The following FHIT variants were observed in gnomAD, a reference collection of about 807,000 sequenced individuals.
FHIT encodes bis(5'-adenosyl)-triphosphatase.
A neutral mutation model predicts 17.9 loss-of-function variants in FHIT; 19 were observed. The ratio of observed to expected loss-of-function variants is 1.06; its 90% CI spans 0.74 to 1.56. FHIT has a LOEUF of 1.56. FHIT is among the 40% of genes most tolerant of loss of function. FHIT has a pLI of 0.00. For missense variants in FHIT, 248 were observed against 189.2 expected, an observed-to-expected ratio of 1.31 and a Z score of -1.82; for synonymous variants, 81 against 69.7, an observed-to-expected ratio of 1.16 and a Z score of -0.81.
At chr3:61,081,139 A>C (rs2035124348) in intron 2 of FHIT, among the ~76,000 whole-genome samples, 1 of 152,184 alleles carries the variant, frequency 6.6e-6, no homozygotes, top group Admixed American at 6.5e-5. Context: ...AATGTAGCTA[A>C]TTTGCAGTAG....
intron 5 of FHIT, among the ~76,000 whole-genome samples, chr3:60,270,211 A>C (rs1326934766): frequency 6.6e-6 from 1 of 152,200 alleles, no homozygotes; most frequent in Non-Finnish European, 1.5e-5. Context: ...GGCAGCAAAC[A>C]GAGAAAAAGA....
intron 7 of FHIT, among the ~76,000 whole-genome samples, chr3:59,926,297 T>C (rs556190571): frequency 3.3e-5 from 5 of 152,328 alleles, no homozygotes; most frequent in Admixed American, 1.3e-4. Flanking sequence ...TGTACACTTT[T>C]CTAAAGTATA....
intron 8 of FHIT, among the ~76,000 whole-genome samples, chr3:59,864,716 C>A (rs1021051870): frequency 6.6e-6 from 1 of 151,488 alleles, no homozygotes; most frequent in Admixed American, 6.6e-5. Context: ...CCTCTCTCTG[C>A]ACACAACGTG....
intron 1 of FHIT, among the ~76,000 whole-genome samples, chr3:61,211,727 C>A (rs2039482367): frequency 6.6e-6 from 1 of 152,232 alleles, no homozygotes; most frequent in South Asian, 2.1e-4. Flanking sequence ...GACCCCTGAC[C>A]CCCGAGCAGC....
chr3:59,981,669 T>C (rs757541696), intron 7 of FHIT, among the ~76,000 whole-genome samples: 1 of 152,138 alleles, frequency 6.6e-6, no homozygotes, highest in African/African-American at 2.4e-5. Flanking sequence ...AGAGATGCCC[T>C]TGATAATTAA....
intron 4 of FHIT, chr3:60,690,450 C>G: frequency 1.7e-6 from 1 of 577,640 alleles, no homozygotes; most frequent in South Asian, 1.4e-5. Flanking sequence ...CTGTATGCTT[C>G]AGGATGAAGT....
At position 60,515,335 on chromosome 3, in the gene FHIT, G is replaced by A. The variant is rs150054257; in HGVS notation, c.103+21525C>T. Among the ~76,000 whole-genome samples, 589 of 152,320 alleles carry A rather than the reference G, an allele frequency of 3.9e-3. 3 individuals are homozygous for A. Among genetic ancestry groups the A allele is most frequent in the African/African-American group, 0.014 (567 of 41,572 alleles). On this transcript the variant is annotated intron_variant, in intron 5 of 9. Transcript: ENST00000492590. ...ACAGCACCACTGGATGTGGTGGGAG[G>A]AGGAGGAAGGAAAATCTATACATTT...
intron 2 of FHIT, among the ~76,000 whole-genome samples, chr3:61,168,517 G>T (rs1353983082): frequency 6.6e-6 from 1 of 152,190 alleles, no homozygotes; most frequent in African/African-American, 2.4e-5. Flanking sequence ...CTGTGTCCCA[G>T]TGAGGAAGAC....
At chr3:61,003,827 G>C (rs552867612) in intron 3 of FHIT, among the ~76,000 whole-genome samples, 1 of 152,208 alleles carries the variant, frequency 6.6e-6, no homozygotes. Flanking sequence ...TCTTATAGCA[G>C]ATGCTAAAGA....
At chr3:60,627,581 TGGCGGGATCTA>T (rs2039324420) in intron 4 of FHIT, among the ~76,000 whole-genome samples, 1 of 152,110 alleles carries the variant, frequency 6.6e-6, no homozygotes, top group African/African-American at 2.4e-5. Flanking sequence ...TGGAGTGCAG[TGGCGGGATCTA>T]GGCTCACTGA....
Position 59,748,268 on chromosome 3 carries a change from G to T in FHIT, c.*1317C>A, listed in dbSNP as rs1457475444. On this transcript the variant is annotated 3_prime_UTR_variant, in exon 10 of 10. Transcript: ENST00000492590. ...GTGAATCAAGTAAATAATGCTCTAG[G>T]TGGTCCACAAAGATAAGAAAAATCA... Among the ~76,000 whole-genome samples the T allele has an allele frequency of 6.6e-6, 1 of 152,008 alleles. No homozygotes were observed. Among genetic ancestry groups the T allele is most frequent in the Non-Finnish European group, 1.5e-5 (1 of 68,010 alleles).
intron 7 of FHIT, among the ~76,000 whole-genome samples, chr3:59,974,145 GT>G (rs1378243806): frequency 1.3e-5 from 2 of 152,078 alleles, no homozygotes; most frequent in Non-Finnish European, 2.9e-5. Context: ...AAAGGGAACT[GT>G]TATGACTCCA....
At chr3:59,869,124 C>A (rs1388589676) in intron 8 of FHIT, among the ~76,000 whole-genome samples, 1 of 152,158 alleles carries the variant, frequency 6.6e-6, no homozygotes, top group Non-Finnish European at 1.5e-5. Context: ...TACTAGCAGA[C>A]AGAAACAACA....
At chr3:59,755,017 TTC>T (rs2106748694) in intron 8 of FHIT, among the ~76,000 whole-genome samples, 1 of 152,196 alleles carries the variant, frequency 6.6e-6, no homozygotes, top group East Asian at 1.9e-4. Context: ...AAAACAAAAC[TTC>T]TCAGCCAATT....
At chr3:60,321,576 G>A (rs530890648) in intron 5 of FHIT, among the ~76,000 whole-genome samples, 4 of 152,302 alleles carry the variant, frequency 2.6e-5, no homozygotes, top group Non-Finnish European at 4.4e-5. Context: ...CAAGATCCCA[G>A]AACTAAGGGG....
At chr3:60,933,188 A>G (rs187905447) in intron 3 of FHIT, among the ~76,000 whole-genome samples, 52 of 152,330 alleles carry the variant, frequency 3.4e-4, no homozygotes, top group Non-Finnish European at 5.4e-4. Flanking sequence ...TGTGTAGAAT[A>G]ACTCAGTTTT....
intron 2 of FHIT, among the ~76,000 whole-genome samples, chr3:61,110,597 G>A (rs2036129731): frequency 6.6e-6 from 1 of 151,920 alleles, no homozygotes; most frequent in Non-Finnish European, 1.5e-5. Flanking sequence ...TTTGCATAGG[G>A]GCATGGTCTG....
At chr3:60,036,003 G>C (rs1418929136) in intron 5 of FHIT, among the ~76,000 whole-genome samples, 1 of 152,204 alleles carries the variant, frequency 6.6e-6, no homozygotes, top group Non-Finnish European at 1.5e-5. Context: ...CAGGCTAAGA[G>C]AGCAAAAACC....
intron 8 of FHIT, among the ~76,000 whole-genome samples, chr3:59,898,002 T>C (rs1227940027): frequency 6.6e-6 from 1 of 151,814 alleles, no homozygotes; most frequent in Admixed American, 6.6e-5. Context: ...CTCCTGAACT[T>C]GTGATCTGCC....
Sources: allele counts gnomAD v4.1 joint callset (sites outside exome capture counted in the v4.1 genomes callset), GRCh38; gene constraint gnomAD v4.1.1; transcripts MANE v1.5; gene names NCBI Gene and HGNC (gene_info 2026-07-23, HGNC 2026-07-21).